Variants in ERBB2 observed in about 807,000 individuals in gnomAD.
ERBB2 encodes erb-b2 receptor tyrosine kinase 2, also known as receptor tyrosine-protein kinase erbB-2.
Under a neutral mutation model 149.0 loss-of-function variants are expected in ERBB2, and 61 were observed. The ratio of observed to expected loss-of-function variants is 0.41; its 90% confidence interval spans 0.33 to 0.51. The LOEUF (loss-of-function observed/expected upper bound fraction) is 0.51. Among genes scored for constraint, ERBB2 ranks in the 20% least tolerant of loss-of-function variants. The pLI, the probability that ERBB2 is intolerant of heterozygous loss-of-function variation, is 0.25. For synonymous variants in ERBB2, 633 were observed against 678.8 expected (o/e 0.93, Z 1.05); for missense variants, 1,205 against 1,655.1 (o/e 0.73, Z 4.72).
rs890304070 is a variant in ERBB2, at chr17:39,711,019, C to T, written c.901+538C>T. ...GGTTCGTGCTATTCTCGTGTCTCAGCCTCCTGAGTAGCTGGGATTACAGGC... is the reference window on the plus strand; with the variant it reads ...GGTTCGTGCTATTCTCGTGTCTCAGTCTCCTGAGTAGCTGGGATTACAGGC... On this transcript the variant is annotated intron_variant, in intron 7 of 26. Transcript: ENST00000269571. Among the ~76,000 whole-genome samples the T allele has an allele frequency of 5.3e-5, 8 of 152,072 alleles. No homozygotes were observed. In the South Asian group the frequency reaches 1.2e-3, roughly 24 times the overall value.
In ERBB2 at chr17:39,715,818, A is replaced by G. The variant is rs2059089384; in HGVS notation, c.1392A>G (p.Gly464=). ...GLRSLRELGS[G]LALIHHNTHL... Reference sequence around the variant, plus strand: ...GCTCACTGAGGGAACTGGGCAGTGGACTGGCCCTCATCCACCATAACACCC... The same window carrying G: ...GCTCACTGAGGGAACTGGGCAGTGGGCTGGCCCTCATCCACCATAACACCC... The change falls in exon 12 of 27, where the codon GGA becomes GGG. Residue 464 remains glycine (G), a synonymous_variant. Coordinates refer to ENST00000269571, the MANE Select transcript of ERBB2 (RefSeq NM_004448.4). The G allele has an allele frequency of 6.2e-7, 1 of 1,611,172 alleles. No homozygotes were observed. The highest frequency in any genetic ancestry group is 1.3e-5 in the African/African-American group (1 of 74,932).
At chr17:39,700,647 C>A (rs963569218) in intron 1 of ERBB2, among the ~76,000 whole-genome samples, 2 of 152,166 alleles carry the variant, frequency 1.3e-5, no homozygotes, top group African/African-American at 4.8e-5. Context: ...CGTTTCCCCC[C>A]TTCTTGAGCC....
chr17:39,697,386 G>A (rs374382421), upstream of ERBB2, among the ~76,000 whole-genome samples: 173 of 131,168 alleles, frequency 1.3e-3, no homozygotes, highest in African/African-American at 5.1e-3. Context: ...ACAGAGTTTC[G>A]CTCTTGTTGC....
In ERBB2 at chr17:39,728,094, G is replaced by A. The variant is rs192237900; in HGVS notation, c.*50G>A. On this transcript the variant is annotated 3_prime_UTR_variant, in exon 27 of 27. Transcript: ENST00000269571. ...CCCTGATGTGTCCTCAGGGAGCAGG[G>A]AAGGCCTGACTTCTGCTGGCATCAA... The A allele has an allele frequency of 1.5e-6, 2 of 1,362,528 alleles. No individual in the cohort carries two copies. Among genetic ancestry groups the A allele is most frequent in the Non-Finnish European group, 1.0e-6 (1 of 1,001,574 alleles). 84.4% of individuals were successfully genotyped at this position (1,362,528 alleles called of 1,614,324 possible).
At position 39,705,052 on chromosome 17, in the gene ERBB2, G is replaced by A. The variant is rs1379006475; in HGVS notation, c.74-1938G>A. Among the ~76,000 whole-genome samples the A allele has an allele frequency of 5.3e-5, 8 of 152,104 alleles. 1 individual carries two copies. Among genetic ancestry groups the A allele is most frequent in the Admixed American group, 5.2e-4 (8 of 15,286 alleles). ...CTGTTGCTCACAAGCTTTATGAGGC[G>A]AGAGCTAACCCCTGCCAGCCTCAGT... On this transcript the variant is annotated intron_variant, in intron 1 of 26. Transcript: ENST00000269571.
At chr17:39,697,349 G>GTTTTTTTTTTTTTTTT (rs1452125824), upstream of ERBB2, among the ~76,000 whole-genome samples, 1 of 132,338 alleles carries the variant, frequency 7.6e-6, no homozygotes, top group African/African-American at 2.9e-5. Flanking sequence ...TTGTTTTTTT[G>GTTTTTTTTTTTTTTTT]TTTTGTTTTT....
At position 39,726,916 on chromosome 17, in the gene ERBB2, G is replaced by C. The variant is rs2143178586; in HGVS notation, c.3072G>C (p.Leu1024=). 6.2e-7 allele frequency: 1 copy of C among 1,613,844 alleles called. No homozygotes were observed. The highest frequency in any genetic ancestry group is 8.5e-7 in the Non-Finnish European group (1 of 1,179,868). ...MGDLVDAEEY[L]VPQQGFFCPD... ...ACCTGGTGGATGCTGAGGAGTATCT[G>C]GTACCCCAGCAGGGCTTCTTCTGTC... Residue 1024 remains leucine, a synonymous_variant, in exon 25 of 27, where the codon CTG becomes CTC. Coordinates refer to ENST00000269571, the MANE Select transcript of ERBB2 (RefSeq NM_004448.4). This position sits in a 1 kb window ranked among gnomAD's most constrained non-coding sequence, Gnocchi z 5.1.
upstream of ERBB2, chr17:39,696,701 G>A (rs1597845784): frequency 1.3e-5 from 2 of 152,320 alleles, no homozygotes; most frequent in Non-Finnish European, 2.9e-5. Flanking sequence ...TGCCTCCTCT[G>A]GAGTCTTGGG....
In ERBB2 at chr17:39,727,522, C is replaced by T. The variant is rs2059842961; in HGVS notation, c.3387C>T (p.Ala1129=). Residue 1129 remains alanine, a synonymous_variant, in exon 26 of 27, where the codon GCC becomes GCT. Transcript: ENST00000269571. This position sits in a 1 kb window ranked among gnomAD's most constrained non-coding sequence, Gnocchi z 4.3. ...CCTCTGAGACTGATGGCTACGTTGC[C>T]CCCCTGACCTGCAGCCCCCAGCCTG... ...PLPSETDGYV[A]PLTCSPQPEY... 6.2e-7 allele frequency: 1 copy of T among 1,604,500 alleles called. No homozygotes were observed. Among genetic ancestry groups the T allele is most frequent in the South Asian group, 1.1e-5 (1 of 89,732 alleles).
upstream of ERBB2, among the ~76,000 whole-genome samples, chr17:39,692,389 A>C (rs567443656): frequency 2.0e-5 from 3 of 151,992 alleles, no homozygotes; most frequent in Admixed American, 2.0e-4. Context: ...CCTGATCAAT[A>C]GGGAAGTAAG....
chr17:39,706,861 C>A, intron 1 of ERBB2, 129 bp from the exon 2 acceptor site: 1 of 864,678 alleles, frequency 1.2e-6, no homozygotes. Context: ...GGGACATGGG[C>A]GGAGGGGTCC....
chr17:39,706,198 G>A (rs1044213242), intron 1 of ERBB2, among the ~76,000 whole-genome samples: 2 of 152,216 alleles, frequency 1.3e-5, no homozygotes, highest in Admixed American at 1.3e-4. Context: ...ATGCAGGGCT[G>A]ACGTAGTGCC....
rs2145688968 is a variant in ERBB2, at chr17:39,716,586, C to T, written c.1718C>T (p.Ser573Leu). 1.2e-6 allele frequency: 2 copies of T among 1,614,080 alleles called. No homozygotes were observed. Among genetic ancestry groups the T allele is most frequent in the Non-Finnish European group, 1.7e-6 (2 of 1,180,008 alleles). The change falls in exon 14 of 27, where the codon TCA becomes TTA. Residue 573 changes from serine to leucine, a missense_variant. Ser to Leu is a moderately radical substitution (Grantham distance 145, BLOSUM62 -2). This residue lies in a region of ERBB2 where 569 missense variants were observed against 803.5 expected (regional missense o/e 0.71). Coordinates refer to ENST00000269571, the MANE Select transcript of ERBB2 (RefSeq NM_004448.4). ...CCTGAGTGTCAGCCCCAGAATGGCT[C>T]AGTGACCTGTTTTGGACCGGTGAGC... is the stretch of plus-strand genomic sequence containing the variant. The part of the protein sequence containing the change: ...CHPECQPQNG[S>L]VTCFGPEADQ...
rs1215111650 is a variant in ERBB2 at position 39,723,785 on chromosome 17, C to T, written c.2208+125C>T. 6.7e-6 allele frequency: 10 copies of T among 1,495,106 alleles called. No homozygotes were observed. Among genetic ancestry groups the T allele is most frequent in the African/African-American group, 1.4e-5 (1 of 72,366 alleles). 92.6% of individuals were successfully genotyped at this position (1,495,106 alleles called of 1,614,324 possible). The stretch of plus-strand genomic sequence containing the variant: ...AGTGTTTGGGGGAGGGCAGTTACAG[C>T]GGAGAAGGGAGCGGGGCCAAGCCCT... On this transcript the variant is annotated intron_variant, in intron 18 of 26. Transcript: ENST00000269571. This position sits in a 1 kb window ranked among gnomAD's most constrained non-coding sequence, Gnocchi z 6.2.
At chr17:39,693,203 C>T (rs1034414153), upstream of ERBB2, 2 of 152,212 alleles carry the variant, frequency 1.3e-5, no homozygotes, top group Non-Finnish European at 2.9e-5. Context: ...CCACCTCTGC[C>T]ACCCCCAAAA....
chr17:39,716,013 G>A lies in ERBB2; in HGVS notation c.1513+74G>A, dbSNP rs2059102920. 8.3e-6 allele frequency: 12 copies of A among 1,454,172 alleles called. No individual in the cohort carries two copies. The East Asian group carries it at 2.8e-4, about 34-fold the overall frequency. 90.1% of individuals were successfully genotyped at this position (1,454,172 alleles called of 1,614,324 possible). On this transcript the variant is annotated intron_variant, in intron 12 of 26. Coordinates refer to ENST00000269571, the MANE Select transcript of ERBB2 (RefSeq NM_004448.4). ...CAGTGCCCAGGGGGCCCTGGCAGCA[G>A]CGTTCTTGGACTTGTGCAGACTGCC...
At position 39,709,818 on chromosome 17, in the gene ERBB2, C is replaced by T. The variant is rs763458661; in HGVS notation, c.580C>T (p.Pro194Ser). The T allele has an allele frequency of 1.2e-6, 2 of 1,613,158 alleles. No individual in the cohort carries two copies. Among genetic ancestry groups the T allele is most frequent in the Non-Finnish European group, 1.7e-6 (2 of 1,179,950 alleles). Reference sequence around the variant, plus strand: ...GTCTCTGGTTCTGTCCTCAGGCCACCCCTGTTCTCCGATGTGTAAGGGCTC... The same window carrying T: ...GTCTCTGGTTCTGTCCTCAGGCCACTCCTGTTCTCCGATGTGTAAGGGCTC... ...IDTNRSRACH[P>S]CSPMCKGSRC... Residue 194 changes from proline to serine, a missense_variant, in exon 5 of 27, where the codon CCC becomes TCC. By Grantham distance (74) the Pro-to-Ser change is moderately conservative. Around this residue, in one of 6 missense-constraint regions of ERBB2, gnomAD observed 569 missense variants for 803.5 expected, o/e 0.71. Transcript: ENST00000269571.
At chr17:39,695,066 C>G (rs1483645435), upstream of ERBB2, 1 of 152,542 alleles carries the variant, frequency 6.6e-6, no homozygotes, top group Non-Finnish European at 1.5e-5. Context: ...ACGGGGGCAC[C>G]AGTAGAATGG....
At chr17:39,694,262 T>TATATATATATATACAC (rs1597842228), upstream of ERBB2, among the ~76,000 whole-genome samples, 2 of 28,906 alleles carry the variant, frequency 6.9e-5, no homozygotes, top group African/African-American at 2.1e-4. Flanking sequence ...TATATATATA[T>TATATATATATATACAC]ATATATGTGT....
Sources: gnomAD v4.1 joint callset for allele counts (sites outside exome capture counted in the v4.1 genomes callset) on GRCh38, gnomAD v4.1.1 for gene constraint, gnomAD v4.1.1 regional missense constraint, Gnocchi (gnomAD v3.1) non-coding constraint, MANE v1.5 for transcripts, NCBI Gene and HGNC (gene_info 2026-07-23, HGNC 2026-07-21) for gene names.